MEGF10: variants seen among roughly 807,000 people sequenced by gnomAD.
The protein encoded by MEGF10 is multiple epidermal growth factor-like domains protein 10.
In MEGF10, 86 loss-of-function variants were observed where a neutral mutation model predicts 147.5. The observed-to-expected ratio is 0.58, with a 90% CI of 0.49 to 0.70. The LOEUF (loss-of-function observed/expected upper bound fraction) is 0.70. MEGF10 is among the 30% of genes least tolerant of loss of function. MEGF10 has a pLI of 0.00. For synonymous variants in MEGF10, 478 were observed against 525.5 expected (o/e 0.91, Z 1.24); for missense variants, 1,329 against 1,487.3 (o/e 0.89, Z 1.75).
At chr5:127,273,071 T>TG in the MEGF10 span, among the ~76,000 whole-genome samples, 1 of 152,174 alleles carries the variant, frequency 6.6e-6, no homozygotes, top group Non-Finnish European at 1.5e-5. Context: ...CCACATTTGT[T>TG]GGGGATCCTG....
the MEGF10 span, among the ~76,000 whole-genome samples, chr5:127,281,461 T>C: frequency 6.6e-6 from 1 of 152,184 alleles, no homozygotes; most frequent in Non-Finnish European, 1.5e-5. Flanking sequence ...AAAAGTTAAG[T>C]TTATATCTCG....
chr5:127,254,532 C>T, the MEGF10 span, among the ~76,000 whole-genome samples: 4 of 151,990 alleles, frequency 2.6e-5, no homozygotes, highest in African/African-American at 9.7e-5. Context: ...TGCATTGTGG[C>T]TGGGTGCAGT....
chr5:127,428,085 A>G (rs1177037604), intron 13 of MEGF10, among the ~76,000 whole-genome samples: 1 of 151,470 alleles, frequency 6.6e-6, no homozygotes. Flanking sequence ...CTGCCTAGCA[A>G]TCCTTTCTAC....
chr5:127,265,165 G>A, the MEGF10 span, among the ~76,000 whole-genome samples: 1 of 152,162 alleles, frequency 6.6e-6, no homozygotes, highest in Non-Finnish European at 1.5e-5. Flanking sequence ...AGAACATGCA[G>A]TGTTTGGTTT....
At chr5:127,255,951 A>G in the MEGF10 span, among the ~76,000 whole-genome samples, 1 of 152,158 alleles carries the variant, frequency 6.6e-6, no homozygotes, top group Admixed American at 6.5e-5. Flanking sequence ...GTGCTACAGA[A>G]CTGACCTAGG....
chr5:127,435,697 A>C (rs567430466), intron 16 of MEGF10, among the ~76,000 whole-genome samples: 1 of 152,100 alleles, frequency 6.6e-6, no homozygotes, highest in African/African-American at 2.4e-5. Context: ...AAATCCAAAT[A>C]ATGTCTTGGA....
At chr5:127,344,913 T>C (rs894988355) in intron 4 of MEGF10, among the ~76,000 whole-genome samples, 1 of 152,214 alleles carries the variant, frequency 6.6e-6, no homozygotes, top group Non-Finnish European at 1.5e-5. Flanking sequence ...CTGCAGTTTC[T>C]AAACTTTTGG....
chr5:127,283,318 T>C, the MEGF10 span, among the ~76,000 whole-genome samples: 1 of 152,238 alleles, frequency 6.6e-6, no homozygotes, highest in African/African-American at 2.4e-5. Context: ...GTAATAGATG[T>C]ATTCACTATA....
At chr5:127,241,985 T>A in the MEGF10 span, among the ~76,000 whole-genome samples, 1 of 152,128 alleles carries the variant, frequency 6.6e-6, no homozygotes. Context: ...GCTCCTTGTT[T>A]ATGGGAGATG....
At chr5:127,430,612 T>C (rs141995033) in intron 13 of MEGF10, among the ~76,000 whole-genome samples, 1,575 of 152,276 alleles carry the variant, frequency 0.01, 28 homozygotes, top group Non-Finnish European at 0.013. Context: ...AAGGTACTAC[T>C]CAGCAATAAT....
At chr5:127,309,082 C>T (rs1760144943) in intron 1 of MEGF10, among the ~76,000 whole-genome samples, 1 of 152,030 alleles carries the variant, frequency 6.6e-6, no homozygotes, top group East Asian at 1.9e-4. Flanking sequence ...GTTTTGCCTC[C>T]TTCCACTTTC....
chr5:127,367,637 G>A (rs889637248), intron 4 of MEGF10, among the ~76,000 whole-genome samples: 10 of 152,104 alleles, frequency 6.6e-5, no homozygotes, highest in Admixed American at 2.0e-4. Context: ...TTAAATGCAC[G>A]GTGTCAAAGA....
In MEGF10 at chr5:127,440,824, G is replaced by C. The variant is rs1246885803; in HGVS notation, c.2319G>C (p.Gln773His). The C allele has an allele frequency of 6.2e-7, 1 of 1,614,034 alleles. No homozygotes were observed. The highest frequency in any genetic ancestry group is 1.3e-5 in the African/African-American group (1 of 74,936). ...CTGACTGCGACCACATTTCTGGGCA[G>C]TGTACTTGCCGCACTGGATTCATGG... ...NGADCDHISG[Q>H]CTCRTGFMGR... Residue 773 changes from glutamine to histidine, a missense_variant, in exon 18 of 25, where the codon CAG becomes CAC. By Grantham distance (24) the Gln-to-His change is conservative (BLOSUM62 0). This residue lies in a region of MEGF10 where 980 missense variants were observed against 1,085.9 expected (regional missense o/e 0.90). Coordinates refer to ENST00000503335, the MANE Select transcript of MEGF10 (RefSeq NM_001256545.2).
chr5:127,447,732 A>G, intron 21 of MEGF10, 48 bp downstream of exon 21: 1 of 1,611,124 alleles, frequency 6.2e-7, no homozygotes, highest in East Asian at 2.2e-5. Context: ...GGGAGAGAGG[A>G]AGGGAACCAG....
intron 5 of MEGF10, among the ~76,000 whole-genome samples, chr5:127,395,569 G>A (rs1400942625): frequency 8.9e-6 from 1 of 112,960 alleles, no homozygotes; most frequent in Non-Finnish European, 1.7e-5. Flanking sequence ...TTTTGAGACG[G>A]AGTCTTGCTC....
chr5:127,362,447 G>T (rs1252822075), intron 4 of MEGF10, among the ~76,000 whole-genome samples: 2 of 150,148 alleles, frequency 1.3e-5, no homozygotes, highest in Admixed American at 6.7e-5. Context: ...TCGGCTCACT[G>T]CAAGCTCCGC....
At chr5:127,233,154 T>C in the MEGF10 span, among the ~76,000 whole-genome samples, 2 of 152,224 alleles carry the variant, frequency 1.3e-5, no homozygotes, top group Non-Finnish European at 2.9e-5. Flanking sequence ...CTTCTTGGCC[T>C]GCAGGCATCT....
At chr5:127,435,226 G>C in intron 15 of MEGF10, 135 bp from the exon 16 acceptor site, 1 of 1,032,558 alleles carries the variant, frequency 9.7e-7, no homozygotes, top group Non-Finnish European at 1.4e-6. Flanking sequence ...TCAAGATGAA[G>C]GATGCTGTTG....
the MEGF10 span, among the ~76,000 whole-genome samples, chr5:127,268,570 T>C: frequency 1.2e-4 from 18 of 151,626 alleles, no homozygotes; most frequent in Admixed American, 1.2e-3. Flanking sequence ...GAGGCTGGAG[T>C]AGGTAAACAA....
Sources: allele counts gnomAD v4.1 joint callset (sites outside exome capture counted in the v4.1 genomes callset), GRCh38; gene constraint gnomAD v4.1.1; regional missense constraint gnomAD v4.1.1; transcripts MANE v1.5; gene names NCBI Gene and HGNC (gene_info 2026-07-23, HGNC 2026-07-21).